RPS3: variants seen among roughly 807,000 people sequenced by gnomAD.
RPS3 encodes ribosomal protein S3, also known as small ribosomal subunit protein uS3.
Under a neutral mutation model 25.8 loss-of-function variants are expected in RPS3, and 2 were observed. The observed-to-expected ratio is 0.08, with a 90% CI of 0.03 to 0.24. The LOEUF (loss-of-function observed/expected upper bound fraction) is 0.24, where lower values mean the gene tolerates loss of function less well. Among genes scored for constraint, RPS3 ranks in the 10% least tolerant of loss-of-function variants. The probability of loss-of-function intolerance (pLI) is 1.00; values close to 1 mark genes in which losing one functional copy is unlikely to be tolerated. For synonymous variants in RPS3, 114 were observed against 114.2 expected (o/e 1.00, Z 0.01); for missense variants, 107 against 307.1 (o/e 0.35, Z 4.87).
At chr11:75,417,617 AT>A (rs1301582281) in intron 6 of RPS3, among the ~76,000 whole-genome samples, 13 of 152,126 alleles carry the variant, frequency 8.5e-5, no homozygotes, top group Admixed American at 2.0e-4. Flanking sequence ...AAATTTAAAG[AT>A]TAGTCGGGCG....
Position 75,406,495 on chromosome 11 carries a change from G to T in RPS3, c.*885G>T, listed in dbSNP as rs1015110505. On this transcript the variant is annotated 3_prime_UTR_variant, in exon 7 of 7. Coordinates refer to ENST00000531188, the MANE Select transcript of RPS3 (RefSeq NM_001005.5). ...TGGCTCCACAGATGGCTTAGCAGGT[G>T]CTGTGATGATTTGGTTTTCTTCTCA... The T allele has an allele frequency of 1.3e-5, 2 of 152,234 alleles. No individual in the cohort carries two copies. The highest frequency in any genetic ancestry group is 4.8e-5 in the African/African-American group (2 of 41,450). 9.4% of individuals were successfully genotyped at this position (152,234 alleles called of 1,614,324 possible).
At chr11:75,420,397 T>C (rs1948432914) in intron 6 of RPS3, among the ~76,000 whole-genome samples, 1 of 152,156 alleles carries the variant, frequency 6.6e-6, no homozygotes, top group Admixed American at 6.5e-5. Flanking sequence ...ATGGTGCAAA[T>C]GATGGTCTCT....
At chr11:75,421,141 A>G (rs933340123) in intron 6 of RPS3, among the ~76,000 whole-genome samples, 3 of 152,180 alleles carry the variant, frequency 2.0e-5, no homozygotes, top group African/African-American at 7.2e-5. Context: ...TGCCATTATC[A>G]GCTGTGTCCA....
chr11:75,410,349 CAG>C (rs1349113668), downstream of RPS3, among the ~76,000 whole-genome samples: 1 of 151,362 alleles, frequency 6.6e-6, no homozygotes, highest in Non-Finnish European at 1.5e-5. Context: ...ACATCCCAGA[CAG>C]GGCGGCGGGG....
chr11:75,399,566 A>G lies in RPS3; in HGVS notation c.19A>G (p.Lys7Glu). The G allele has an allele frequency of 1.9e-6, 3 of 1,613,754 alleles. No individual in the cohort carries two copies. Among genetic ancestry groups the G allele is most frequent in the Non-Finnish European group, 2.5e-6 (3 of 1,179,848 alleles). ...CGGCAAGATGGCAGTGCAAATATCC[A>G]AGAAGAGGAAGGTGAGCCTCTGGGG... MAVQIS[K>E]KRKFVADGIF... The change falls in exon 1 of 7, where the codon AAG becomes GAG. Residue 7 changes from lysine to glutamate, a missense_variant. Around this residue, in one of 2 missense-constraint regions of RPS3, gnomAD observed 26 missense variants for 20.4 expected, o/e 1.28. Transcript: ENST00000531188.
chr11:75,409,878 G>T (rs1221069789), downstream of RPS3, among the ~76,000 whole-genome samples: 209 of 113,728 alleles, frequency 1.8e-3, no homozygotes, highest in African/African-American at 3.2e-3. Context: ...TCACTTCCCA[G>T]TAGGGGCGGC....
chr11:75,413,582 A>C (rs1466300469), intron 6 of RPS3, among the ~76,000 whole-genome samples: 2 of 152,230 alleles, frequency 1.3e-5, no homozygotes, highest in African/African-American at 2.4e-5. Flanking sequence ...AAAGAGATAC[A>C]GTCCATGTAT....
intron 6 of RPS3, among the ~76,000 whole-genome samples, chr11:75,413,447 A>G (rs1287931777): frequency 1.3e-5 from 2 of 151,912 alleles, no homozygotes; most frequent in African/African-American, 4.8e-5. Context: ...TAGTAGAGAC[A>G]GGGTTTCACC....
chr11:75,413,249 A>ATT (rs34936491), intron 6 of RPS3, among the ~76,000 whole-genome samples: 26 of 109,658 alleles, frequency 2.4e-4, no homozygotes, highest in African/African-American at 5.8e-4. Flanking sequence ...ATATATATAT[A>ATT]TTTTTTTTTT....
intron 6 of RPS3, chr11:75,405,327 T>G: frequency 3.8e-6 from 1 of 259,772 alleles, no homozygotes; most frequent in East Asian, 1.1e-4. Flanking sequence ...GCCACTGTGC[T>G]TGGCTGCTCA....
chr11:75,407,477 ATTT>A (rs1337004604), downstream of RPS3, among the ~76,000 whole-genome samples: 2 of 149,992 alleles, frequency 1.3e-5, no homozygotes, highest in East Asian at 4.1e-4. Context: ...ATTTTTTATT[ATTT>A]TTATTTTTTG....
At chr11:75,414,302 C>T (rs1948379686) in intron 6 of RPS3, among the ~76,000 whole-genome samples, 1 of 152,250 alleles carries the variant, frequency 6.6e-6, no homozygotes, top group Admixed American at 6.5e-5. Flanking sequence ...TGAAGCCTTT[C>T]ATGGACTTCT....
At chr11:75,410,002 C>T (rs1948331373), downstream of RPS3, among the ~76,000 whole-genome samples, 1 of 144,296 alleles carries the variant, frequency 6.9e-6, no homozygotes, top group Non-Finnish European at 1.6e-5. Flanking sequence ...TCCTCACTTC[C>T]CAGTAGGGGC....
Position 75,406,047 on chromosome 11 carries a change from A to T in RPS3, c.*437A>T, listed in dbSNP as rs1948284176. 6.4e-6 allele frequency: 1 copy of T among 155,722 alleles called. No homozygotes were observed. Among genetic ancestry groups the T allele is most frequent in the Non-Finnish European group, 1.4e-5 (1 of 70,356 alleles). 9.6% of individuals were successfully genotyped at this position (155,722 alleles called of 1,614,324 possible). ...TTCTTTACATATGTACTCGTTAATC[A>T]ACCTCTCTAAAGTGTAAAGGAAATT... is the stretch of plus-strand genomic sequence containing the variant. On this transcript the variant is annotated 3_prime_UTR_variant, in exon 7 of 7. Transcript: ENST00000531188.
At chr11:75,418,033 C>G (rs1054195192) in intron 6 of RPS3, among the ~76,000 whole-genome samples, 2 of 152,314 alleles carry the variant, frequency 1.3e-5, no homozygotes, top group Admixed American at 1.3e-4. Context: ...GGTGCAGATA[C>G]GGGCTCCACC....
intron 3 of RPS3, 155 bp downstream of exon 3, chr11:75,401,888 C>G (rs1948214916): frequency 6.6e-6 from 4 of 604,464 alleles, no homozygotes; most frequent in Admixed American, 3.2e-5. Flanking sequence ...CTTTGTAAGC[C>G]TATTCTGCTA....
intron 6 of RPS3, among the ~76,000 whole-genome samples, chr11:75,414,269 A>G (rs1352171660): frequency 6.6e-6 from 1 of 152,230 alleles, no homozygotes; most frequent in Non-Finnish European, 1.5e-5. Flanking sequence ...AAATATGGCT[A>G]TTGGCAACAT....
chr11:75,413,015 TG>T (rs1325784351), intron 6 of RPS3, among the ~76,000 whole-genome samples: 3 of 152,170 alleles, frequency 2.0e-5, no homozygotes, highest in African/African-American at 7.2e-5. Context: ...TCAAGTGATC[TG>T]CCCACCTTGG....
At chr11:75,415,530 G>A (rs758270412) in intron 6 of RPS3, among the ~76,000 whole-genome samples, 6 of 152,054 alleles carry the variant, frequency 3.9e-5, no homozygotes, top group Non-Finnish European at 7.4e-5. Flanking sequence ...AAATTTAGCC[G>A]GGCATGGTGG....
Sources: allele counts gnomAD v4.1 joint callset (sites outside exome capture counted in the v4.1 genomes callset), GRCh38; gene constraint gnomAD v4.1.1; regional missense constraint gnomAD v4.1.1; transcripts MANE v1.5; gene names NCBI Gene and HGNC (gene_info 2026-07-23, HGNC 2026-07-21).